The following WDR5 variants were observed in gnomAD, a reference collection of about 807,000 sequenced individuals.
WDR5 encodes the protein WD repeat domain 5, also known as WD repeat-containing protein 5.
For missense variants in WDR5, 187 were observed against 416.9 expected (o/e 0.45, Z 4.80); for synonymous variants, 144 against 161.6 (o/e 0.89, Z 0.83).
chr9:134,137,609 G>T (rs1006747051), intron 1 of WDR5, among the ~76,000 whole-genome samples: 1 of 147,292 alleles, frequency 6.8e-6, no homozygotes. Context: ...ACTTGAACCC[G>T]GAAGGTGGAG....
At chr9:134,141,457 G>T in intron 3 of WDR5, 53 bp from the exon 4 acceptor site, 2 of 1,582,568 alleles carry the variant, frequency 1.3e-6, no homozygotes, top group South Asian at 2.2e-5. Context: ...GACTCTGGAT[G>T]ACTAGACAAT....
chr9:134,140,925 G>A (rs1041958788), intron 3 of WDR5, 114 bp downstream of exon 3: 6 of 973,892 alleles, frequency 6.2e-6, no homozygotes, highest in Admixed American at 1.9e-5. Context: ...GTAGCAGGCC[G>A]CTGGGGGGCA....
chr9:134,135,598 G>A (rs1054998348), upstream of WDR5: 1 of 152,206 alleles, frequency 6.6e-6, no homozygotes, highest in Non-Finnish European at 1.5e-5. Flanking sequence ...CGCCCGGGGT[G>A]GGAGGCCACA....
chr9:134,157,969 T>A lies in WDR5; in HGVS notation c.981T>A (p.Ile327=). The change falls in exon 14 of 14, where the codon ATT becomes ATA. Residue 327 remains isoleucine, a synonymous_variant. Coordinates refer to ENST00000358625, the MANE Select transcript of WDR5 (RefSeq NM_017588.3). The surrounding 1 kb of genome is among the most constrained non-coding windows in gnomAD (Gnocchi z 5.0). ...CTGCGCTAGAAAATGACAAAACAAT[T>A]AAACTGTGGAAGAGTGACTGCTAAG... The part of the protein sequence containing the change: ...ASAALENDKT[I]KLWKSDC 1.2e-6 allele frequency: 2 copies of A among 1,614,034 alleles called. No individual in the cohort carries two copies. The highest frequency in any genetic ancestry group is 1.7e-6 in the Non-Finnish European group (2 of 1,179,956).
chr9:134,138,005 G>A (rs560197607), intron 1 of WDR5, among the ~76,000 whole-genome samples: 2 of 152,302 alleles, frequency 1.3e-5, no homozygotes, highest in East Asian at 3.9e-4. Flanking sequence ...GCCTCCCAAA[G>A]TGCTGAGATT....
At chr9:134,151,828 G>T (rs954949832) in intron 8 of WDR5, among the ~76,000 whole-genome samples, 155 bp from the exon 9 acceptor site, 2 of 152,202 alleles carry the variant, frequency 1.3e-5, no homozygotes, top group African/African-American at 4.8e-5. Context: ...TTTGTCCCTA[G>T]AATATAAGAG....
In WDR5 at chr9:134,159,317, G is replaced by A. The variant is rs1050148874; in HGVS notation, c.*1324G>A. 4 of 152,640 alleles carry A rather than the reference G, an allele frequency of 2.6e-5. No individual in the cohort carries two copies. Among genetic ancestry groups the A allele is most frequent in the Admixed American group, 6.5e-5 (1 of 15,286 alleles). 9.5% of individuals were successfully genotyped at this position (152,640 alleles called of 1,614,324 possible). A position where few individuals can be genotyped will look rare whatever the true frequency, so the allele number is the denominator to read the frequency against. ...TCTGTCCCACGGGGCAGGGCTTTGG[G>A]GCTGTGATGCTCTGGGAAGCCAGCT... On this transcript the variant is annotated 3_prime_UTR_variant, in exon 14 of 14. Transcript: ENST00000358625. The surrounding 1 kb of genome is among the most constrained non-coding windows in gnomAD (Gnocchi z 4.3).
intron 12 of WDR5, 41 bp downstream of exon 12, chr9:134,155,808 T>C (rs768226901): frequency 6.3e-7 from 1 of 1,593,110 alleles, no homozygotes; most frequent in South Asian, 1.1e-5. Flanking sequence ...TGTTCCCAGC[T>C]TACTCTCCCG....
rs1316019740 is a variant in WDR5, at chr9:134,145,096, G to GTTTTTTGTTTTTTTTTTTTTTT, written c.528+2383_528+2384insGTTTTTTTTTTTTTTTTTTTTT. On this transcript the variant is annotated intron_variant, in intron 7 of 13. Transcript: ENST00000358625. Reference sequence around the variant, plus strand: ...ACTGCAGAGAGGTTTGTGGGGCTTTGTTTTTTTTTTTTTTTTTTTTGAAAC... The same window carrying GTTTTTTGTTTTTTTTTTTTTTT: ...ACTGCAGAGAGGTTTGTGGGGCTTTGTTTTTTGTTTTTTTTTTTTTTTTTTTTTTTTTTTTTTTTTTTGAAAC... Among the ~76,000 whole-genome samples, 3 of 104,664 alleles carry GTTTTTTGTTTTTTTTTTTTTTT rather than the reference G, an allele frequency of 2.9e-5. 1 individual carries two copies. The highest frequency in any genetic ancestry group is 5.5e-5 in the Non-Finnish European group (3 of 54,458). The allele number at this position is 104,664 out of a possible 152,430, so 68.7% of individuals were successfully genotyped here. A position where few individuals can be genotyped will look rare whatever the true frequency, so the allele number is the denominator to read the frequency against.
chr9:134,158,072 C>A lies in WDR5; in HGVS notation c.*79C>A. The A allele has an allele frequency of 1.5e-6, 2 of 1,334,792 alleles. No homozygotes were observed. The highest frequency in any genetic ancestry group is 1.2e-5 in the South Asian group (1 of 83,840). The allele number at this position is 1,334,792 out of a possible 1,614,324, so 82.7% of individuals were successfully genotyped here. A position where few individuals can be genotyped will look rare whatever the true frequency, so the allele number is the denominator to read the frequency against. ...AGAAACAGGGTGTCTTGGAGGTGGT[C>A]CCCCAGATCTGCGCCTGGGGGTCAG... On this transcript the variant is annotated 3_prime_UTR_variant, in exon 14 of 14. Transcript: ENST00000358625.
chr9:134,151,942 A>G (rs1832512263), intron 8 of WDR5, 41 bp from the exon 9 acceptor site: 3 of 1,607,942 alleles, frequency 1.9e-6, no homozygotes, highest in Non-Finnish European at 2.5e-6. Flanking sequence ...GTGAGATCAT[A>G]ACTTGTCTGC....
chr9:134,156,101 C>T (rs536584709), intron 12 of WDR5, among the ~76,000 whole-genome samples: 28 of 152,338 alleles, frequency 1.8e-4, no homozygotes, highest in African/African-American at 3.8e-4. Context: ...TGTCGTCCAC[C>T]GGCCCCAGCA....
At chr9:134,151,871 A>G (rs1832505500) in intron 8 of WDR5, 112 bp from the exon 9 acceptor site, 1 of 1,089,082 alleles carries the variant, frequency 9.2e-7, no homozygotes, top group South Asian at 1.5e-5. Flanking sequence ...CATAACTTTT[A>G]AAAAAAGATA....
chr9:134,152,213 CCTT>C (rs113835268), intron 9 of WDR5, among the ~76,000 whole-genome samples, 184 bp downstream of exon 9: 4 of 152,372 alleles, frequency 2.6e-5, no homozygotes, highest in South Asian at 2.1e-4. Context: ...CTCTGTTGCT[CCTT>C]CTGGTGCAGT....
intron 7 of WDR5, among the ~76,000 whole-genome samples, chr9:134,146,444 C>G (rs1832206352): frequency 6.6e-6 from 1 of 152,174 alleles, no homozygotes. Flanking sequence ...CCATGTTGGC[C>G]AGGCTGGTCT....
chr9:134,154,745 C>T (rs112220196), intron 10 of WDR5, among the ~76,000 whole-genome samples: 2 of 152,188 alleles, frequency 1.3e-5, no homozygotes, highest in African/African-American at 2.4e-5. Flanking sequence ...ACCTCAGGTC[C>T]GACTATAGGA....
At position 134,158,216 on chromosome 9, in the gene WDR5, G is replaced by T; in HGVS notation, c.*223G>T. The T allele has an allele frequency of 2.0e-6, 1 of 509,150 alleles. No individual in the cohort carries two copies. The highest frequency in any genetic ancestry group is 3.5e-6 in the Non-Finnish European group (1 of 282,974). The allele number at this position is 509,150 out of a possible 1,614,324, so 31.5% of individuals were successfully genotyped here. A position where few individuals can be genotyped will look rare whatever the true frequency, so the allele number is the denominator to read the frequency against. The stretch of plus-strand genomic sequence containing the variant: ...TTCTTGCCAATTCTAACACTGTCTA[G>T]GGAAGAGTTCCTAGTCTATTGTGTT... On this transcript the variant is annotated 3_prime_UTR_variant, in exon 14 of 14. Transcript: ENST00000358625.
chr9:134,137,096 T>C (rs1831602491), intron 1 of WDR5, among the ~76,000 whole-genome samples: 1 of 152,178 alleles, frequency 6.6e-6, no homozygotes, highest in South Asian at 2.1e-4. Context: ...TCTGACTGCA[T>C]GTCACAGGCA....
chr9:134,135,899 C>T (rs1382781133), upstream of WDR5: 2 of 128,822 alleles, frequency 1.6e-5, no homozygotes, highest in Admixed American at 7.3e-5. Context: ...CTGCACCAGT[C>T]AAATTCGGGG....
Sources: allele counts gnomAD v4.1 joint callset (sites outside exome capture counted in the v4.1 genomes callset), GRCh38; gene constraint gnomAD v4.1.1; non-coding constraint Gnocchi (gnomAD v3.1); transcripts MANE v1.5; gene names NCBI Gene and HGNC (gene_info 2026-07-23, HGNC 2026-07-21).